MYO15A: variants seen among roughly 807,000 people sequenced by gnomAD.
The protein encoded by MYO15A is myosin XVA, also known as unconventional myosin-XV.
In MYO15A, 308 loss-of-function variants were observed where a neutral mutation model predicts 394.6. The observed-to-expected ratio is 0.78, with a 90% CI of 0.71 to 0.86. The LOEUF is 0.86. MYO15A is among the 40% of genes least tolerant of loss of function. The probability of loss-of-function intolerance (pLI) is 0.00; values close to 1 mark genes in which losing one functional copy is unlikely to be tolerated. For synonymous variants in MYO15A, 1,957 were observed against 2,003.8 expected (o/e 0.98, Z 0.62); for missense variants, 4,606 against 4,799.1 (o/e 0.96, Z 1.19).
intron 42 of MYO15A, 66 bp downstream of exon 42, chr17:18,152,250 T>G (rs1167120994): frequency 6.8e-7 from 1 of 1,469,830 alleles, no homozygotes; most frequent in East Asian, 2.5e-5. Flanking sequence ...TGGGCACAGG[T>G]GAGTGTGTCG....
rs1435988773 is a variant in MYO15A at position 18,151,107 on chromosome 17, C to T, written c.7474-3C>T. The T allele has an allele frequency of 5.6e-6, 9 of 1,613,916 alleles. No individual in the cohort carries two copies. Among genetic ancestry groups the T allele is most frequent in the Non-Finnish European group, 7.6e-6 (9 of 1,180,018 alleles). On this transcript the variant is annotated splice_polypyrimidine_tract_variant and splice_region_variant and intron_variant, in intron 38 of 65. Coordinates refer to ENST00000647165, the MANE Select transcript of MYO15A (RefSeq NM_016239.4). The stretch of plus-strand genomic sequence containing the variant: ...GCCCACCCTCACGTCCTGTTCTCCA[C>T]AGAAACCCCCAGCACCAGAGGCACA...
rs200712715 is a variant in MYO15A, at chr17:18,166,532, G to C, written c.9948+11G>C. ...ATGCACTACAACCAGGTCAGCACAC[G>C]TAGGCTTCTCTGGACTCTGGGACCT... On this transcript the variant is annotated intron_variant, in intron 61 of 65. Coordinates refer to ENST00000647165, the MANE Select transcript of MYO15A (RefSeq NM_016239.4). The C allele has an allele frequency of 7.1e-5, 114 of 1,611,444 alleles. No individual in the cohort carries two copies. Among genetic ancestry groups the C allele is most frequent in the Admixed American group, 1.7e-5 (1 of 60,012 alleles).
At chr17:18,156,678 G>A (rs1200806727) in intron 48 of MYO15A, among the ~76,000 whole-genome samples, 1 of 152,208 alleles carries the variant, frequency 6.6e-6, no homozygotes, top group South Asian at 2.1e-4. Context: ...CCTAGGGCAG[G>A]TCATCTCTGT....
rs902509529 is a variant in MYO15A at position 18,179,240 on chromosome 17, C to G, written c.*370C>G. ...GTTGCCCAGATGAACTGGCCTCTGC[C>G]TTTGGTTTACTCAGGGTCTGATGTT... On this transcript the variant is annotated 3_prime_UTR_variant, in exon 66 of 66. Transcript: ENST00000647165. 1.6e-5 allele frequency: 6 copies of G among 375,802 alleles called. No homozygotes were observed. Among genetic ancestry groups the G allele is most frequent in the African/African-American group, 1.0e-4 (5 of 48,108 alleles). The allele number at this position is 375,802 out of a possible 1,614,324, so 23.3% of individuals were successfully genotyped here. A position where few individuals can be genotyped will look rare whatever the true frequency, so the allele number is the denominator to read the frequency against.
chr17:18,137,807 T>C, intron 16 of MYO15A, 128 bp downstream of exon 16: 1 of 1,146,368 alleles, frequency 8.7e-7, no homozygotes, highest in Non-Finnish European at 1.3e-6. Flanking sequence ...GGGAAAGGCA[T>C]TCTAAGCTGG....
At position 18,133,297 on chromosome 17, in the gene MYO15A, T is replaced by C; in HGVS notation, c.4393T>C (p.Leu1465=). 1 of 1,614,158 alleles carries C rather than the reference T, an allele frequency of 6.2e-7. No individual in the cohort carries two copies. The highest frequency in any genetic ancestry group is 8.5e-7 in the Non-Finnish European group (1 of 1,180,020). The change falls in exon 12 of 66, where the codon TTG becomes CTG. Residue 1465 remains leucine, a synonymous_variant. Transcript: ENST00000647165. ...CCGGCTCCTGGCTGCCATGGAGGTGTTGGGCTTCAGCAGTGAGGACCAGGA... is the reference window on the plus strand; with the variant it reads ...CCGGCTCCTGGCTGCCATGGAGGTGCTGGGCTTCAGCAGTGAGGACCAGGA... ...FRRLLAAMEV[L]GFSSEDQDSI...
In MYO15A at chr17:18,140,526, C is replaced by T; in HGVS notation, c.5221C>T (p.His1741Tyr). The T allele has an allele frequency of 6.2e-7, 1 of 1,613,592 alleles. No homozygotes were observed. Among genetic ancestry groups the T allele is most frequent in the Non-Finnish European group, 8.5e-7 (1 of 1,180,042 alleles). The stretch of plus-strand genomic sequence containing the variant: ...CCCGACCCCTGCCCAGGTGGTGGCA[C>T]ACCTCTTCTCCAGCCATGCCCCACA... ...FVRSRTRVVA[H>Y]LFSSHAPQAA... Residue 1741 changes from histidine (H) to tyrosine (Y), a missense_variant, in exon 20 of 66, where the codon CAC (histidine) becomes TAC (tyrosine). Transcript: ENST00000647165.
At chr17:18,142,686 C>T in intron 24 of MYO15A, 70 bp from the exon 25 acceptor site, 1 of 1,358,956 alleles carries the variant, frequency 7.4e-7, no homozygotes, top group Non-Finnish European at 1.0e-6. Flanking sequence ...CTGGCAAGGG[C>T]CTCTCTACCT....
chr17:18,126,700 T>C, intron 5 of MYO15A, 91 bp from the exon 6 acceptor site: 1 of 1,447,254 alleles, frequency 6.9e-7, no homozygotes, highest in Non-Finnish European at 9.7e-7. Flanking sequence ...CAGGATTGGC[T>C]GTTTGGCTGG....
chr17:18,158,414 G>T, intron 51 of MYO15A, 109 bp from the exon 52 acceptor site: 1 of 937,556 alleles, frequency 1.1e-6, no homozygotes, highest in Non-Finnish European at 1.7e-6. Context: ...GTGGGTGGGC[G>T]GCTTGAGAAT....
Position 18,150,102 on chromosome 17 carries a change from C to A in MYO15A, c.7213-327C>A. 1 of 412,942 alleles carries A rather than the reference C, an allele frequency of 2.4e-6. No individual in the cohort carries two copies. Among genetic ancestry groups the A allele is most frequent in the South Asian group, 2.3e-5 (1 of 44,276 alleles). The allele number at this position is 412,942 out of a possible 1,614,324, so 25.6% of individuals were successfully genotyped here. ...CAGATCTCACGAGACCCCTCAGGTA[C>A]CCTTACTCACTCTGGAAACTCCAGA... On this transcript the variant is annotated intron_variant, in intron 35 of 65. Transcript: ENST00000647165. The surrounding 1 kb of genome is among the most constrained non-coding windows in gnomAD (Gnocchi z 4.4).
chr17:18,133,254 C>T lies in MYO15A; in HGVS notation c.4350C>T (p.Ser1450=), dbSNP rs754606664. Residue 1450 remains serine, a synonymous_variant, in exon 12 of 66, where the codon AGC becomes AGT. Coordinates refer to ENST00000647165, the MANE Select transcript of MYO15A (RefSeq NM_016239.4). The stretch of plus-strand genomic sequence containing the variant: ...GGAACTGTGAGATAGCAGGAAAGAG[C>T]GATGCAGATGACTTTCGCCGGCTCC... ...QGGNCEIAGK[S]DADDFRRLLA... is the part of the protein sequence containing the mutation. 47 of 1,614,004 alleles carry T rather than the reference C, an allele frequency of 2.9e-5. No individual in the cohort carries two copies. Among genetic ancestry groups the T allele is most frequent in the Non-Finnish European group, 3.5e-5 (41 of 1,180,030 alleles).
At chr17:18,159,535 C>G in intron 54 of MYO15A, 71 bp from the exon 55 acceptor site, 1 of 1,573,612 alleles carries the variant, frequency 6.4e-7, no homozygotes, top group East Asian at 2.2e-5. Flanking sequence ...GGGGCTCAGC[C>G]CTGGGGCTTC....
rs759720548 is a variant in MYO15A, at chr17:18,157,890, G to C, written c.8957G>C (p.Arg2986Pro). ...ASAAAAQEVGRRREGPPVRAR... is the reference protein window; with the variant it reads ...ASAAAAQEVGPRREGPPVRAR... ...GCAGCCGCTGCACAGGAGGTGGGCC[G>C]CAGGAGAGAGGTGAGACCAGTGTGG... The change falls in exon 51 of 66, where the codon CGC becomes CCC. Residue 2986 changes from arginine to proline, a missense_variant. Around this residue, in one of 2 missense-constraint regions of MYO15A, gnomAD observed 2,776 missense variants for 3,109.3 expected, o/e 0.89. Coordinates refer to ENST00000647165, the MANE Select transcript of MYO15A (RefSeq NM_016239.4). 7.0e-6 allele frequency: 10 copies of C among 1,429,718 alleles called. No homozygotes were observed. The highest frequency in any genetic ancestry group is 4.6e-6 in the Non-Finnish European group (5 of 1,084,626). The allele number at this position is 1,429,718 out of a possible 1,614,324, so 88.6% of individuals were successfully genotyped here. A position where few individuals can be genotyped will look rare whatever the true frequency, so the allele number is the denominator to read the frequency against.
chr17:18,121,262 AG>A lies in MYO15A; in HGVS notation c.2464del (p.Glu822SerfsTer41). On this transcript the variant is annotated frameshift_variant, in exon 2 of 66. Coordinates refer to ENST00000647165, the MANE Select transcript of MYO15A (RefSeq NM_016239.4). LOFTEE classifies it high-confidence loss of function. This position sits in a 1 kb window ranked among gnomAD's most constrained non-coding sequence, Gnocchi z 5.3. ...CCGGCCCGCCGGCCCCGCTCGCTGCAGGAGTCCCCAGCCCCACGCCGAGCCG... is the reference window on the plus strand; with the variant it reads ...CCGGCCCGCCGGCCCCGCTCGCTGCAGAGTCCCCAGCCCCACGCCGAGCCG... ...LPPARRPRSL[Q>X]ESPAPRRAAG... The A allele has an allele frequency of 6.9e-7, 1 of 1,451,404 alleles. No individual in the cohort carries two copies. The allele number at this position is 1,451,404 out of a possible 1,614,324, so 89.9% of individuals were successfully genotyped here. A position where few individuals can be genotyped will look rare whatever the true frequency, so the allele number is the denominator to read the frequency against.
chr17:18,125,354 CA>C (rs2046014489), intron 4 of MYO15A, 123 bp downstream of exon 4: 1 of 966,364 alleles, frequency 1.0e-6, no homozygotes, highest in Non-Finnish European at 1.7e-6. Context: ...CCTAGAATGC[CA>C]GAGCCTAGAA....
In MYO15A at chr17:18,119,450, C is replaced by T. The variant is rs757178699; in HGVS notation, c.650C>T (p.Ser217Leu). 4 of 1,612,436 alleles carry T rather than the reference C, an allele frequency of 2.5e-6. No homozygotes were observed. The part of the protein sequence containing the change: ...PFEDEAPFHH[S>L]GSRKSLYGLE... ...GAGGACGAGGCCCCATTCCATCACT[C>T]GGGCTCCCGCAAGTCGCTGTACGGG... is the stretch of plus-strand genomic sequence containing the variant. Residue 217 changes from serine (S) to leucine (L), a missense_variant, in exon 2 of 66, where the codon TCG becomes TTG. Coordinates refer to ENST00000647165, the MANE Select transcript of MYO15A (RefSeq NM_016239.4).
At chr17:18,124,379 C>G in intron 2 of MYO15A, 104 bp from the exon 3 acceptor site, 5 of 1,231,708 alleles carry the variant, frequency 4.1e-6, no homozygotes, top group Non-Finnish European at 5.8e-6. Flanking sequence ...CTTGGGGTTC[C>G]CTCCCCAACA....
intron 65 of MYO15A, 83 bp from the exon 66 acceptor site, chr17:18,178,686 C>T: frequency 2.2e-6 from 3 of 1,344,592 alleles, no homozygotes; most frequent in Non-Finnish European, 3.2e-6. Flanking sequence ...ATCTCCCAAC[C>T]ACCTCTCCAT....
Sources: gnomAD v4.1 joint callset for allele counts (sites outside exome capture counted in the v4.1 genomes callset) on GRCh38, gnomAD v4.1.1 for gene constraint, gnomAD v4.1.1 regional missense constraint, Gnocchi (gnomAD v3.1) non-coding constraint, MANE v1.5 for transcripts, NCBI Gene and HGNC (gene_info 2026-07-23, HGNC 2026-07-21) for gene names.